The following UGGT2 variants were observed in gnomAD, a reference collection of about 807,000 sequenced individuals.
UGGT2 encodes the protein UDP-glucose:glycoprotein glucosyltransferase 2.
UGGT2 carries 180 observed loss-of-function variants against 192.1 expected under a neutral mutation model. That is an observed-to-expected ratio of 0.94 (90% confidence interval 0.83 to 1.06). UGGT2 has a LOEUF of 1.06. Among genes scored for constraint, UGGT2 ranks in the 50% least tolerant of loss-of-function variants. UGGT2 has a pLI of 0.00. For synonymous variants in UGGT2, 580 were observed against 591.0 expected, an observed-to-expected ratio of 0.98 and a Z score of 0.27; for missense variants, 1,849 against 1,795.7, an observed-to-expected ratio of 1.03 and a Z score of -0.54.
chr13:95,896,691 A>G (rs1279839581), intron 22 of UGGT2, among the ~76,000 whole-genome samples: 1 of 152,144 alleles, frequency 6.6e-6, no homozygotes, highest in African/African-American at 2.4e-5. Context: ...GCACAGCATC[A>G]AACAGGAGAA....
At chr13:95,822,868 TAG>T (rs1344913847) in intron 38 of UGGT2, among the ~76,000 whole-genome samples, 2 of 152,068 alleles carry the variant, frequency 1.3e-5, no homozygotes, top group African/African-American at 2.4e-5. Flanking sequence ...CCTGTTTCTC[TAG>T]TTCCTTGAGG....
At chr13:95,976,319 A>G (rs2050937135) in intron 10 of UGGT2, among the ~76,000 whole-genome samples, 1 of 152,186 alleles carries the variant, frequency 6.6e-6, no homozygotes, top group Admixed American at 6.5e-5. Flanking sequence ...CCACCCATCC[A>G]TTAATGGACA....
chr13:95,897,218 C>T (rs1419436808), intron 22 of UGGT2, among the ~76,000 whole-genome samples: 1 of 151,958 alleles, frequency 6.6e-6, no homozygotes, highest in Non-Finnish European at 1.5e-5. Flanking sequence ...TTATCATTCT[C>T]ATTGTCCAAA....
At chr13:95,845,729 T>G (rs1335917056) in intron 36 of UGGT2, among the ~76,000 whole-genome samples, 1 of 150,502 alleles carries the variant, frequency 6.6e-6, no homozygotes, top group African/African-American at 2.4e-5. Flanking sequence ...CGCTCCTCAC[T>G]TCCCAGACGG....
At chr13:95,907,505 G>A (rs377103232) in intron 20 of UGGT2, among the ~76,000 whole-genome samples, 15 of 152,232 alleles carry the variant, frequency 9.9e-5, no homozygotes, top group Admixed American at 2.0e-4. Flanking sequence ...AACAGGGGCC[G>A]ACAGACACCT....
chr13:95,891,549 G>A (rs1187402139), intron 24 of UGGT2, among the ~76,000 whole-genome samples: 3 of 152,068 alleles, frequency 2.0e-5, no homozygotes, highest in Non-Finnish European at 4.4e-5. Flanking sequence ...AAAGGGAAAT[G>A]AGAAAATGAT....
chr13:95,833,112 A>T, intron 37 of UGGT2, 59 bp from the exon 38 acceptor site: 1 of 1,575,612 alleles, frequency 6.3e-7, no homozygotes, highest in Non-Finnish European at 8.6e-7. Flanking sequence ...CATAAGGACA[A>T]TGCTGTGTCA....
chr13:95,957,473 TGCTTATG>T (rs2050244985), intron 12 of UGGT2, among the ~76,000 whole-genome samples: 1 of 152,174 alleles, frequency 6.6e-6, no homozygotes, highest in African/African-American at 2.4e-5. Flanking sequence ...GTCTTATCAG[TGCTTATG>T]AAGAGATAGT....
intron 37 of UGGT2, among the ~76,000 whole-genome samples, chr13:95,835,584 A>T (rs1446013320): frequency 6.6e-6 from 1 of 152,214 alleles, no homozygotes; most frequent in Non-Finnish European, 1.5e-5. Context: ...GTATTTCTAT[A>T]CATGTCTGAA....
chr13:95,880,328 A>G (rs2047456776), intron 27 of UGGT2, among the ~76,000 whole-genome samples: 2 of 152,226 alleles, frequency 1.3e-5, no homozygotes, highest in African/African-American at 4.8e-5. Context: ...GCTATAACAC[A>G]TATCTTGATC....
chr13:95,821,605 C>G (rs983961759), intron 38 of UGGT2, among the ~76,000 whole-genome samples: 1 of 152,034 alleles, frequency 6.6e-6, no homozygotes. Context: ...TATTTTTGTT[C>G]CATTTGCTTT....
intron 9 of UGGT2, among the ~76,000 whole-genome samples, chr13:95,984,137 C>G (rs955484959): frequency 1.3e-5 from 2 of 152,154 alleles, no homozygotes; most frequent in Non-Finnish European, 2.9e-5. Flanking sequence ...GAAAACACTT[C>G]ATTGAAAAAG....
intron 1 of UGGT2, among the ~76,000 whole-genome samples, chr13:96,032,426 T>C (rs2052866560): frequency 6.6e-6 from 1 of 152,154 alleles, no homozygotes; most frequent in African/African-American, 2.4e-5. Context: ...TGCCTTTACT[T>C]GTGTAGAAAA....
At chr13:95,830,125 T>C (rs1229095607) in intron 38 of UGGT2, among the ~76,000 whole-genome samples, 1 of 152,148 alleles carries the variant, frequency 6.6e-6, no homozygotes, top group Non-Finnish European at 1.5e-5. Flanking sequence ...ATAGAAAAAT[T>C]AATTCAAGAT....
rs538586878 is a variant in UGGT2 at position 95,864,252 on chromosome 13, C to G, written c.3559-538G>C. Among the ~76,000 whole-genome samples the G allele has an allele frequency of 3.9e-5, 6 of 152,254 alleles. No homozygotes were observed. In the South Asian group the frequency reaches 1.2e-3, roughly 32 times the overall value. On this transcript the variant is annotated intron_variant, in intron 30 of 38. Transcript: ENST00000376747. ...ACACTACTATTTCTATGATTTCCTTCTACCTCCCAACTTATATTAAACCTT... is the reference window on the plus strand; with the variant it reads ...ACACTACTATTTCTATGATTTCCTTGTACCTCCCAACTTATATTAAACCTT...
Position 95,927,033 on chromosome 13 carries a change from T to G in UGGT2, c.2195A>C (p.Gln732Pro). The change falls in exon 19 of 39, where the codon CAA (glutamine) becomes CCA (proline). Residue 732 changes from glutamine to proline, a missense_variant. Transcript: ENST00000376747. ...VIAKNMYYLT[Q>P]DDESIISAVT... ...AAATAAAATATGCTTATTACCGTCT[T>G]GGGTTAAATAATACATGTTCTTTGC... 6.2e-7 allele frequency: 1 copy of G among 1,602,014 alleles called. No homozygotes were observed.
intron 33 of UGGT2, among the ~76,000 whole-genome samples, chr13:95,858,617 G>A (rs139908416): frequency 5.9e-5 from 9 of 152,204 alleles, no homozygotes; most frequent in Admixed American, 2.0e-4. Flanking sequence ...TGGTCTCCCC[G>A]GACCCTACCC....
intron 38 of UGGT2, among the ~76,000 whole-genome samples, chr13:95,822,481 T>C (rs573034888): frequency 1.3e-5 from 2 of 152,164 alleles, no homozygotes; most frequent in South Asian, 2.1e-4. Flanking sequence ...GTCATATCAC[T>C]GGTGAACAGC....
chr13:95,927,232 G>A lies in UGGT2; in HGVS notation c.2082C>T (p.Leu694=). Residue 694 remains leucine (L), a synonymous_variant, in exon 18 of 39, where the codon CTC becomes CTT. Coordinates refer to ENST00000376747, the MANE Select transcript of UGGT2 (RefSeq NM_020121.4). ...TTTTACCTGATGTAGATATTAAATT[G>A]AGGTACTGCTGGTTAGTACGCAAAA... ...TLILRTNQQY[L]NLISTSVTAD... The A allele has an allele frequency of 1.2e-6, 2 of 1,611,612 alleles. No individual in the cohort carries two copies. Among genetic ancestry groups the A allele is most frequent in the South Asian group, 1.1e-5 (1 of 90,918 alleles).
Sources: gnomAD v4.1 joint callset for allele counts (sites outside exome capture counted in the v4.1 genomes callset) on GRCh38, gnomAD v4.1.1 for gene constraint, MANE v1.5 for transcripts, NCBI Gene and HGNC (gene_info 2026-07-23, HGNC 2026-07-21) for gene names.